CIROZ: variants seen among roughly 807,000 people sequenced by gnomAD.
The protein encoded by CIROZ is ciliated left-right organizer ZP-N domains-containing protein.
chr1:10,959,266 G>A, the CIROZ span, among the ~76,000 whole-genome samples: 1 of 152,174 alleles, frequency 6.6e-6, no homozygotes, highest in East Asian at 1.9e-4. This position sits in a 1 kb window ranked among gnomAD's most constrained non-coding sequence, Gnocchi z 4.3. Context: ...GCAGTGGGGA[G>A]GTTCCCCTGA....
chr1:10,948,108 T>C, the CIROZ span: 13 of 1,613,386 alleles, frequency 8.1e-6, no homozygotes, highest in Non-Finnish European at 1.1e-5. Flanking sequence ...GGCACTGGGG[T>C]CTGGCTGCCT....
the CIROZ span, chr1:10,948,891 A>G: frequency 3.5e-6 from 5 of 1,448,082 alleles, no homozygotes; most frequent in Non-Finnish European, 4.6e-6. Flanking sequence ...AGAAACAAGA[A>G]CACATGGGCT....
the CIROZ span, chr1:10,946,575 G>A: frequency 4.6e-5 from 7 of 152,200 alleles, no homozygotes; most frequent in African/African-American, 1.7e-4. Flanking sequence ...GGGTCTGCCT[G>A]GAGGTGGGCG....
the CIROZ span, chr1:10,969,922 C>T: frequency 2.7e-6 from 4 of 1,480,782 alleles, no homozygotes; most frequent in Non-Finnish European, 3.6e-6. Context: ...GGGAAGGCAA[C>T]ACAAAAGCCC....
chr1:10,967,463 C>T, the CIROZ span, among the ~76,000 whole-genome samples: 1 of 152,196 alleles, frequency 6.6e-6, no homozygotes, highest in Non-Finnish European at 1.5e-5. Flanking sequence ...TGACTACCCT[C>T]TTAACACTCC....
At chr1:10,952,673 A>T in the CIROZ span, among the ~76,000 whole-genome samples, 1 of 152,064 alleles carries the variant, frequency 6.6e-6, no homozygotes, top group Admixed American at 6.6e-5. Context: ...GCGATTACAG[A>T]TTAGAGATGT....
the CIROZ span, chr1:10,957,011 C>G: frequency 7.1e-6 from 11 of 1,549,118 alleles, no homozygotes; most frequent in East Asian, 2.7e-4. Context: ...TAGGGGCACT[C>G]CTGGGTCTTA....
the CIROZ span, chr1:10,976,343 T>C: frequency 2.1e-6 from 2 of 939,446 alleles, no homozygotes. Context: ...ATTTCTTTTT[T>C]TTTTTTTTCT....
At chr1:10,962,891 G>A in the CIROZ span, among the ~76,000 whole-genome samples, 1 of 152,230 alleles carries the variant, frequency 6.6e-6, no homozygotes, top group South Asian at 2.1e-4. Context: ...AGGCCAAGGT[G>A]AGAGGATCGC....
chr1:10,956,739 A>G, the CIROZ span, among the ~76,000 whole-genome samples: 1 of 151,964 alleles, frequency 6.6e-6, no homozygotes, highest in East Asian at 1.9e-4. Context: ...GGCCTCCCAA[A>G]GTGCTGGGAT....
At chr1:10,948,846 T>C in the CIROZ span, 2 of 1,485,966 alleles carry the variant, frequency 1.3e-6, no homozygotes, top group Non-Finnish European at 1.8e-6. Flanking sequence ...AAGCCCCTTC[T>C]TCACCAAGAG....
At chr1:10,961,119 T>A in the CIROZ span, among the ~76,000 whole-genome samples, 1 of 151,072 alleles carries the variant, frequency 6.6e-6, no homozygotes, top group Non-Finnish European at 1.5e-5. Context: ...GAGTGAGGAG[T>A]CGTTTCTGCT....
the CIROZ span, chr1:10,976,333 A>C: frequency 2.3e-6 from 2 of 887,524 alleles, no homozygotes; most frequent in Middle Eastern, 3.5e-4. Context: ...CACTCATTAT[A>C]TTTCTTTTTT....
the CIROZ span, among the ~76,000 whole-genome samples, chr1:10,966,753 TC>T: frequency 6.6e-6 from 1 of 151,992 alleles, no homozygotes; most frequent in Non-Finnish European, 1.5e-5. Flanking sequence ...TCCTCCCATG[TC>T]CCCCGGCTTC....
the CIROZ span, chr1:10,947,776 C>T: frequency 1.3e-6 from 2 of 1,596,212 alleles, no homozygotes; most frequent in Non-Finnish European, 8.6e-7. Flanking sequence ...TGGAGTGAGG[C>T]CCCCCGGCCA....
the CIROZ span, among the ~76,000 whole-genome samples, chr1:10,947,100 G>A: frequency 3.3e-5 from 5 of 152,316 alleles, no homozygotes; most frequent in East Asian, 3.9e-4. Flanking sequence ...CAGCCCCATC[G>A]GGAGGAATGA....
chr1:10,970,125 G>A, the CIROZ span: 7 of 1,424,876 alleles, frequency 4.9e-6, no homozygotes, highest in Non-Finnish European at 6.6e-6. Context: ...GGGAGGTGGG[G>A]AAGGGAGGGA....
chr1:10,950,201 T>C, the CIROZ span, among the ~76,000 whole-genome samples: 6 of 151,812 alleles, frequency 4.0e-5, no homozygotes, highest in African/African-American at 1.2e-4. Flanking sequence ...GCCCAACTAA[T>C]TTTTTTGTAT....
the CIROZ span, among the ~76,000 whole-genome samples, chr1:10,961,821 T>C: frequency 6.6e-6 from 1 of 152,010 alleles, no homozygotes; most frequent in Non-Finnish European, 1.5e-5. Flanking sequence ...CTGGCTTTAA[T>C]TAAACTGGTG....
Sources: allele counts gnomAD v4.1 joint callset (sites outside exome capture counted in the v4.1 genomes callset), GRCh38; gene constraint gnomAD v4.1.1; non-coding constraint Gnocchi (gnomAD v3.1); transcripts MANE v1.5; gene names NCBI Gene and HGNC (gene_info 2026-07-23, HGNC 2026-07-21).